Variants in SOX5 observed in about 807,000 individuals in gnomAD.
The protein encoded by SOX5 is transcription factor SOX-5.
In SOX5, 9 loss-of-function variants were observed where a neutral mutation model predicts 92.0. The ratio of observed to expected loss-of-function variants is 0.10; its 90% CI spans 0.06 to 0.17. The LOEUF (loss-of-function observed/expected upper bound fraction) is 0.17, where lower values mean the gene tolerates loss of function less well. Ranked by LOEUF, SOX5 falls within the 10% of genes least tolerant of loss-of-function variation. SOX5 has a pLI of 1.00. For missense variants in SOX5, 642 were observed against 944.5 expected, an observed-to-expected ratio of 0.68 and a Z score of 4.20; for synonymous variants, 344 against 336.3, an observed-to-expected ratio of 1.02 and a Z score of -0.25.
chr12:23,765,385 CAAAAAAAAAAAAAAA>C (rs373571301), intron 3 of SOX5, among the ~76,000 whole-genome samples: 3 of 31,432 alleles, frequency 9.5e-5, no homozygotes, highest in Non-Finnish European at 1.5e-4. Context: ...TGTAAAACAG[CAAAAAAAAAAAAAAA>C]AAAAAAAAAA....
chr12:24,473,338 C>G (rs1446240678), intron 1 of SOX5, among the ~76,000 whole-genome samples: 1 of 152,212 alleles, frequency 6.6e-6, no homozygotes, highest in Non-Finnish European at 1.5e-5. Flanking sequence ...CTACCCTGCC[C>G]CCATGAAGTC....
chr12:23,840,611 A>G (rs1395340085), intron 3 of SOX5, among the ~76,000 whole-genome samples: 1 of 152,158 alleles, frequency 6.6e-6, no homozygotes, highest in East Asian at 1.9e-4. Flanking sequence ...TCAAGACAGG[A>G]TGATACTGGC....
At chr12:24,457,748 C>T (rs182918346) in intron 1 of SOX5, among the ~76,000 whole-genome samples, 357 of 152,274 alleles carry the variant, frequency 2.3e-3, no homozygotes, top group South Asian at 5.4e-3. Flanking sequence ...AGTGAAGGAG[C>T]TGTCTCCATT....
intron 4 of SOX5, among the ~76,000 whole-genome samples, chr12:24,194,562 T>C (rs1023706467): frequency 6.6e-6 from 1 of 152,176 alleles, no homozygotes; most frequent in African/African-American, 2.4e-5. Context: ...TTTATAAATA[T>C]ATGTATATTT....
At chr12:23,608,115 G>GAAAAAAAAAAAA (rs772255622) in intron 8 of SOX5, among the ~76,000 whole-genome samples, 2 of 44,086 alleles carry the variant, frequency 4.5e-5, no homozygotes, top group Non-Finnish European at 8.5e-5. Flanking sequence ...AAAGAAAAAA[G>GAAAAAAAAAAAA]AAAAAAAAAA....
intron 3 of SOX5, among the ~76,000 whole-genome samples, chr12:23,807,590 C>T (rs1177162371): frequency 2.0e-5 from 3 of 151,702 alleles, no homozygotes; most frequent in Non-Finnish European, 4.4e-5. Context: ...GCTCTGCTGA[C>T]AACTTGACTT....
At chr12:23,735,624 A>G (rs750138468) in intron 5 of SOX5, among the ~76,000 whole-genome samples, 1 of 152,150 alleles carries the variant, frequency 6.6e-6, no homozygotes, top group African/African-American at 2.4e-5. Context: ...GTGCTTCTCT[A>G]GCCTAGAACT....
At chr12:23,613,599 T>C (rs1327923174) in intron 8 of SOX5, among the ~76,000 whole-genome samples, 1 of 152,118 alleles carries the variant, frequency 6.6e-6, no homozygotes, top group Non-Finnish European at 1.5e-5. Context: ...AGCCCAAAGG[T>C]AGAAATAATT....
chr12:24,038,367 G>A (rs1335911317), intron 4 of SOX5, among the ~76,000 whole-genome samples: 1 of 152,174 alleles, frequency 6.6e-6, no homozygotes, highest in East Asian at 1.9e-4. Context: ...GGAGTAAAGA[G>A]GGAATTGCTC....
rs567682583 is a variant in SOX5 at position 23,602,292 on chromosome 12, T to C, written c.1164+2095A>G. ...AAGTCTATGAGGTTCTATGAATGTA[T>C]AGAACTATATAGTTCATAAAGCAAT... On this transcript the variant is annotated intron_variant, in intron 9 of 14. Coordinates refer to ENST00000451604, the MANE Select transcript of SOX5 (RefSeq NM_006940.6). 7.9e-4 allele frequency among the ~76,000 whole-genome samples: 121 copies of C among 152,284 alleles called. 1 individual carries two copies. The highest frequency in any genetic ancestry group is 1.9e-3 in the South Asian group (9 of 4,834).
intron 1 of SOX5, among the ~76,000 whole-genome samples, chr12:24,417,618 A>G (rs1773069950): frequency 6.6e-6 from 1 of 152,230 alleles, no homozygotes; most frequent in African/African-American, 2.4e-5. Context: ...AACTGAACAG[A>G]ATATAATATT....
chr12:24,099,379 C>G (rs967864507), intron 4 of SOX5, among the ~76,000 whole-genome samples: 5 of 152,144 alleles, frequency 3.3e-5, no homozygotes, highest in African/African-American at 1.2e-4. Context: ...GAGAGAGGAA[C>G]TGCACTATGA....
rs551167161 is a variant in SOX5 at position 24,508,234 on chromosome 12, G to C, written c.-251+54095C>G. Among the ~76,000 whole-genome samples, 7 of 152,262 alleles carry C rather than the reference G, an allele frequency of 4.6e-5. No homozygotes were observed. In the South Asian group the frequency reaches 1.5e-3, roughly 32 times the overall value. ...GTGCAGAGTGGGTTTCAGGAAGACA[G>C]TGGAAAGGGGAGCAAACCTGGAGAA... On this transcript the variant is annotated intron_variant, in intron 1 of 4. Coordinates refer to the SOX5 transcript ENST00000446891.
intron 4 of SOX5, among the ~76,000 whole-genome samples, chr12:24,145,081 G>A (rs1001079402): frequency 6.6e-6 from 1 of 151,490 alleles, no homozygotes; most frequent in Non-Finnish European, 1.5e-5. Context: ...GAAACAGAGT[G>A]AGACCCTGTC....
intron 2 of SOX5, among the ~76,000 whole-genome samples, chr12:24,340,372 A>C (rs1851519002): frequency 6.6e-6 from 1 of 152,248 alleles, no homozygotes; most frequent in Non-Finnish European, 1.5e-5. Flanking sequence ...ATGTCAAAGC[A>C]TTGGCACCCA....
At chr12:24,217,046 T>C (rs945511360) in intron 3 of SOX5, among the ~76,000 whole-genome samples, 3 of 152,232 alleles carry the variant, frequency 2.0e-5, no homozygotes, top group Non-Finnish European at 4.4e-5. Flanking sequence ...TGCTCCAGAT[T>C]ATTCCAGACA....
intron 1 of SOX5, among the ~76,000 whole-genome samples, chr12:24,422,241 A>T (rs1966036440): frequency 1.3e-5 from 2 of 152,238 alleles, no homozygotes; most frequent in Non-Finnish European, 2.9e-5. Flanking sequence ...CAGTAAGTAG[A>T]ATAAATCAAT....
chr12:24,107,114 C>A (rs992518420), intron 4 of SOX5, among the ~76,000 whole-genome samples: 2 of 152,086 alleles, frequency 1.3e-5, no homozygotes, highest in African/African-American at 4.8e-5. Flanking sequence ...TCTGTTACTA[C>A]TGGATACCTA....
At chr12:24,283,090 A>T (rs968743082) in intron 2 of SOX5, among the ~76,000 whole-genome samples, 1 of 152,246 alleles carries the variant, frequency 6.6e-6, no homozygotes, top group Admixed American at 6.5e-5. Context: ...AACGTGCCGT[A>T]GTCTTAACCA....
Sources: gnomAD v4.1 joint callset for allele counts (sites outside exome capture counted in the v4.1 genomes callset) on GRCh38, gnomAD v4.1.1 for gene constraint, MANE v1.5 for transcripts, NCBI Gene and HGNC (gene_info 2026-07-23, HGNC 2026-07-21) for gene names.